Variants in CCDC57 observed in about 807,000 individuals in gnomAD.
The protein encoded by CCDC57 is coiled-coil domain containing 57.
In CCDC57, 118 loss-of-function variants were observed where a neutral mutation model predicts 118.9. The observed-to-expected ratio is 0.99, with a 90% CI of 0.86 to 1.16. The LOEUF (loss-of-function observed/expected upper bound fraction) is 1.16. CCDC57 is among the 50% of genes most tolerant of loss of function. The pLI, the probability that CCDC57 is intolerant of heterozygous loss-of-function variation, is 0.00. For missense variants in CCDC57, 1,300 were observed against 1,320.7 expected, an observed-to-expected ratio of 0.98 and a Z score of 0.24; for synonymous variants, 527 against 532.9, an observed-to-expected ratio of 0.99 and a Z score of 0.15.
intron 16 of CCDC57, among the ~76,000 whole-genome samples, chr17:82,141,531 T>C (rs2040011599): frequency 6.6e-6 from 1 of 152,206 alleles, no homozygotes; most frequent in South Asian, 2.1e-4. Context: ...TCTGAAATTC[T>C]TTACGGAAAC....
chr17:82,157,890 T>C (rs2145973904), exon 15 of CCDC57: 3 of 1,572,408 alleles, frequency 1.9e-6, no homozygotes, highest in Middle Eastern at 1.7e-4. Flanking sequence ...GTGTACCTGG[T>C]CCACCTCACG....
At chr17:82,194,098 G>T in exon 6 of CCDC57, 1 of 1,613,872 alleles carries the variant, frequency 6.2e-7, no homozygotes, top group East Asian at 2.2e-5. Context: ...CCTTTGCCCC[G>T]GCTTCCTTCA....
chr17:82,183,960 T>C, intron 8 of CCDC57, 28 bp from the exon 8 acceptor site: 1 of 1,604,718 alleles, frequency 6.2e-7, no homozygotes, highest in South Asian at 1.1e-5. Context: ...ACTATGTAGA[T>C]GTGGTTCTCA....
Position 82,192,942 on chromosome 17 carries a change from T to C in CCDC57, c.851+814A>G, listed in dbSNP as rs1479851444. On this transcript the variant is annotated intron_variant, in intron 7 of 19. Coordinates refer to ENST00000665763, the Ensembl canonical transcript of CCDC57. The surrounding 1 kb of genome is among the most constrained non-coding windows in gnomAD (Gnocchi z 4.0). ...TTTAGTAGAGATGGGGTTTCACTGT[T>C]GGTCAGGGTGGTCTCGAATTCCTGA... Among the ~76,000 whole-genome samples the C allele has an allele frequency of 6.6e-6, 1 of 152,196 alleles. No homozygotes were observed. The highest frequency in any genetic ancestry group is 1.5e-5 in the Non-Finnish European group (1 of 68,030).
chr17:82,105,230 C>T (rs1793891920), intron 19 of CCDC57: 1 of 152,300 alleles, frequency 6.6e-6, no homozygotes. Context: ...TTCTGTGGCA[C>T]AGAGGCCCTT....
chr17:82,201,749 C>T (rs1356758011), exon 3 of CCDC57: 1 of 1,613,892 alleles, frequency 6.2e-7, no homozygotes, highest in Non-Finnish European at 8.5e-7. Context: ...AGGTCCCGCT[C>T]CTCCAGCACC....
chr17:82,173,755 G>C (rs1411545808), intron 11 of CCDC57, among the ~76,000 whole-genome samples: 1 of 152,148 alleles, frequency 6.6e-6, no homozygotes, highest in African/African-American at 2.4e-5. Context: ...TAGGGTCAAA[G>C]GGCAGGCATA....
intron 13 of CCDC57, among the ~76,000 whole-genome samples, chr17:82,170,641 C>T (rs1263981237): frequency 1.3e-5 from 2 of 151,886 alleles, no homozygotes; most frequent in Non-Finnish European, 2.9e-5. Context: ...CACAGAGAGG[C>T]CTCAGGAGGA....
At chr17:82,136,072 C>A (rs1241933839) in intron 16 of CCDC57, among the ~76,000 whole-genome samples, 1 of 152,114 alleles carries the variant, frequency 6.6e-6, no homozygotes, top group African/African-American at 2.4e-5. Flanking sequence ...TGGCTCCTTA[C>A]CAGGTTAGAC....
At chr17:82,150,233 CCAGAACCAGGCGCACACT>C (rs2041741457) in intron 16 of CCDC57, among the ~76,000 whole-genome samples, 2 of 57,308 alleles carry the variant, frequency 3.5e-5, no homozygotes, top group African/African-American at 6.2e-5. Flanking sequence ...AGGCGCACAC[CCAGAACCAGGCGCACACT>C]CAGAACCTGA....
chr17:82,138,800 C>T (rs544993258), intron 16 of CCDC57, among the ~76,000 whole-genome samples: 5 of 152,154 alleles, frequency 3.3e-5, no homozygotes, highest in South Asian at 4.2e-4. Flanking sequence ...CGGGTGCCCA[C>T]GGCGCTTCTC....
intron 19 of CCDC57, among the ~76,000 whole-genome samples, chr17:82,116,877 G>A (rs1417544296): frequency 1.3e-5 from 2 of 152,134 alleles, no homozygotes; most frequent in African/African-American, 4.8e-5. Context: ...CCCACAGCAG[G>A]GCCCTCTCCG....
intron 11 of CCDC57, chr17:82,175,686 G>A (rs1278978874): frequency 2.0e-5 from 3 of 152,230 alleles, no homozygotes. Context: ...AAACCGAGGT[G>A]TGCTCTGACC....
At chr17:82,157,702 T>G (rs1487813498) in intron 15 of CCDC57, 46 bp downstream of exon 14, 1 of 1,545,194 alleles carries the variant, frequency 6.5e-7, no homozygotes, top group East Asian at 2.4e-5. Flanking sequence ...ACGGTTTCTG[T>G]GGCAGGAACC....
Position 82,184,051 on chromosome 17 carries a change from A to G in CCDC57, c.1053-119T>C, listed in dbSNP as rs1402216246. 4.4e-4 allele frequency: 249 copies of G among 560,692 alleles called. 3 individuals are homozygous for G. The highest frequency in any genetic ancestry group is 6.9e-4 in the African/African-American group (35 of 50,432). 34.7% of individuals were successfully genotyped at this position (560,692 alleles called of 1,614,324 possible). On this transcript the variant is annotated intron_variant, in intron 8 of 19. Transcript: ENST00000665763. The stretch of plus-strand genomic sequence containing the variant: ...CGCGCGCACACACACACACACACAC[A>G]CACACACACACACACACACACACAC...
chr17:82,161,230 G>A (rs35192339), intron 14 of CCDC57, among the ~76,000 whole-genome samples: 71,097 of 151,950 alleles, frequency 0.47, 17,444 homozygotes, highest in East Asian at 0.88. Flanking sequence ...TGGGGGAACC[G>A]GAACCCTCAC....
At chr17:82,134,277 A>G in intron 16 of CCDC57, 83 bp from the exon 16 acceptor site, 1 of 1,241,530 alleles carries the variant, frequency 8.1e-7, no homozygotes, top group Non-Finnish European at 1.0e-6. Flanking sequence ...ACTCAGAAAG[A>G]ACAGCATGTT....
At chr17:82,159,343 G>A (rs1009124364) in intron 14 of CCDC57, among the ~76,000 whole-genome samples, 1 of 152,218 alleles carries the variant, frequency 6.6e-6, no homozygotes, top group Non-Finnish European at 1.5e-5. Flanking sequence ...TAGCATTTGT[G>A]CGGGAAATGG....
intron 8 of CCDC57, among the ~76,000 whole-genome samples, chr17:82,186,863 G>A (rs1303362405): frequency 6.6e-6 from 1 of 151,634 alleles, no homozygotes; most frequent in East Asian, 1.9e-4. Context: ...GATCACTTGA[G>A]CCCATGAGGT....
Sources: gnomAD v4.1 joint callset for allele counts (sites outside exome capture counted in the v4.1 genomes callset) on GRCh38, gnomAD v4.1.1 for gene constraint, Gnocchi (gnomAD v3.1) non-coding constraint, MANE v1.5 for transcripts, NCBI Gene and HGNC (gene_info 2026-07-23, HGNC 2026-07-21) for gene names.